The following MCPH1 variants were observed in gnomAD, a reference collection of about 807,000 sequenced individuals.
The protein encoded by MCPH1 is microcephalin.
MCPH1 carries 104 observed loss-of-function variants against 84.5 expected under a neutral mutation model. The ratio of observed to expected loss-of-function variants is 1.23; its 90% confidence interval spans 1.05 to 1.45. The LOEUF is 1.45. MCPH1 is among the 40% of genes most tolerant of loss of function. The pLI is 0.00. For synonymous variants in MCPH1, 514 were observed against 366.8 expected (o/e 1.40, Z -4.58); for missense variants, 1,498 against 1,005.7 (o/e 1.49, Z -6.62).
rs554369960 is a variant in MCPH1, at chr8:6,602,379, G to A, written c.2215-19075G>A. Among the ~76,000 whole-genome samples, 5 of 152,300 alleles carry A rather than the reference G, an allele frequency of 3.3e-5. No homozygotes were observed. The South Asian group carries it at 1.0e-3, about 32-fold the overall frequency. ...AAGGTAGGATCAAGAGTCCCACTGG[G>A]AAGTGGCCTGGCAACCAGAGGTGTC... On this transcript the variant is annotated intron_variant, in intron 12 of 13. Coordinates refer to ENST00000344683, the MANE Select transcript of MCPH1 (RefSeq NM_024596.5).
At chr8:6,504,613 C>T (rs914620337) in intron 12 of MCPH1, among the ~76,000 whole-genome samples, 2 of 152,098 alleles carry the variant, frequency 1.3e-5, no homozygotes, top group African/African-American at 4.8e-5. Context: ...CAAAGAGAAG[C>T]TGTAAAGTGC....
At chr8:6,536,977 A>G (rs1313843952) in intron 12 of MCPH1, among the ~76,000 whole-genome samples, 3 of 151,520 alleles carry the variant, frequency 2.0e-5, no homozygotes, top group Non-Finnish European at 4.4e-5. Flanking sequence ...TACAAGAAAA[A>G]AAAAAAAAAA....
chr8:6,562,585 T>G, intron 12 of MCPH1: 3 of 794,968 alleles, frequency 3.8e-6, no homozygotes, highest in Non-Finnish European at 5.2e-6. Flanking sequence ...TGTTAAAACC[T>G]GAGCTGCTGC....
At chr8:6,416,509 T>G (rs1338218548) in intron 3 of MCPH1, among the ~76,000 whole-genome samples, 1 of 152,222 alleles carries the variant, frequency 6.6e-6, no homozygotes, top group Non-Finnish European at 1.5e-5. Flanking sequence ...GTTGTTTGTT[T>G]GTTTCTGATT....
intron 12 of MCPH1, among the ~76,000 whole-genome samples, chr8:6,612,758 C>T (rs927754131): frequency 2.0e-5 from 3 of 152,350 alleles, no homozygotes; most frequent in South Asian, 4.1e-4. Flanking sequence ...GCTCCTTCTC[C>T]CAGCTGGTGG....
At chr8:6,552,937 G>A (rs1563115123) in intron 12 of MCPH1, among the ~76,000 whole-genome samples, 1 of 152,170 alleles carries the variant, frequency 6.6e-6, no homozygotes, top group Non-Finnish European at 1.5e-5. Flanking sequence ...AAGGATCAGG[G>A]TTTGCCAGGG....
At chr8:6,414,419 C>A (rs115293755) in intron 2 of MCPH1, among the ~76,000 whole-genome samples, 1 of 152,186 alleles carries the variant, frequency 6.6e-6, no homozygotes, top group Non-Finnish European at 1.5e-5. Flanking sequence ...ATGTAGAAAG[C>A]TTTTCTGAAA....
At chr8:6,484,482 C>T (rs1370970902) in intron 11 of MCPH1, among the ~76,000 whole-genome samples, 4 of 152,228 alleles carry the variant, frequency 2.6e-5, no homozygotes, top group Non-Finnish European at 5.9e-5. Context: ...GACAGTTTCA[C>T]AGAAAGCTAA....
intron 11 of MCPH1, among the ~76,000 whole-genome samples, chr8:6,489,508 G>C (rs1179902568): frequency 6.6e-6 from 1 of 152,172 alleles, no homozygotes; most frequent in African/African-American, 2.4e-5. Flanking sequence ...CAGAGACCTT[G>C]AAAAAAGCAG....
At chr8:6,479,559 T>C (rs58679306) in intron 10 of MCPH1, among the ~76,000 whole-genome samples, 22,379 of 151,788 alleles carry the variant, frequency 0.15, 1,790 homozygotes, top group Middle Eastern at 0.25. Flanking sequence ...GTCAGCCTCC[T>C]GAGTATCTGG....
chr8:6,469,533 C>A (rs1385703444), intron 9 of MCPH1, among the ~76,000 whole-genome samples: 4 of 152,160 alleles, frequency 2.6e-5, no homozygotes, highest in East Asian at 3.9e-4. Context: ...ATATATGATT[C>A]TGATAGTACC....
chr8:6,473,469 C>G (rs192292991), intron 9 of MCPH1, among the ~76,000 whole-genome samples: 9 of 151,678 alleles, frequency 5.9e-5, no homozygotes, highest in African/African-American at 1.9e-4. Context: ...GTAGCTGGGA[C>G]TATAGGTGCC....
chr8:6,485,595 CTT>C (rs201393340), intron 11 of MCPH1, among the ~76,000 whole-genome samples: 1 of 148,286 alleles, frequency 6.7e-6, no homozygotes. Context: ...TCTGTGCTAC[CTT>C]TTTTTCCCCT....
intron 11 of MCPH1, among the ~76,000 whole-genome samples, chr8:6,493,368 T>C (rs1186653355): frequency 1.3e-5 from 2 of 152,220 alleles, no homozygotes; most frequent in African/African-American, 4.8e-5. Flanking sequence ...GTGAGCTTTT[T>C]CATAAGAATA....
intron 10 of MCPH1, among the ~76,000 whole-genome samples, chr8:6,478,332 A>G (rs1315986105): frequency 6.6e-6 from 1 of 152,228 alleles, no homozygotes; most frequent in Non-Finnish European, 1.5e-5. Flanking sequence ...TACATTATAT[A>G]GTGAAAAAGG....
intron 3 of MCPH1, among the ~76,000 whole-genome samples, chr8:6,430,134 C>G (rs1025189333): frequency 6.6e-6 from 1 of 152,178 alleles, no homozygotes; most frequent in African/African-American, 2.4e-5. Context: ...CATCTCTGAC[C>G]TGAAGCTTTC....
chr8:6,444,582 G>C lies in MCPH1; in HGVS notation c.860G>C (p.Ser287Thr). ...SPSFTHLDKS[S>T]PQKFLSNLSK... ...TCTTTCACTCACCTCGATAAATCAAGTCCTCAGAAATTTCTGAGTAATCTT... is the reference window on the plus strand; with the variant it reads ...TCTTTCACTCACCTCGATAAATCAACTCCTCAGAAATTTCTGAGTAATCTT... Residue 287 changes from serine to threonine, a missense_variant, in exon 8 of 14, where the codon AGT (serine) becomes ACT (threonine). Coordinates refer to ENST00000344683, the MANE Select transcript of MCPH1 (RefSeq NM_024596.5). The C allele has an allele frequency of 1.2e-6, 2 of 1,614,050 alleles. No individual in the cohort carries two copies. Among genetic ancestry groups the C allele is most frequent in the Non-Finnish European group, 1.7e-6 (2 of 1,179,958 alleles).
intron 2 of MCPH1, among the ~76,000 whole-genome samples, chr8:6,409,644 G>T (rs1157478091): frequency 6.6e-6 from 1 of 151,884 alleles, no homozygotes; most frequent in Non-Finnish European, 1.5e-5. Flanking sequence ...TAAGCAAAGT[G>T]AGGAATACAG....
At chr8:6,641,959 G>C (rs978591678) in intron 13 of MCPH1, among the ~76,000 whole-genome samples, 1 of 152,136 alleles carries the variant, frequency 6.6e-6, no homozygotes, top group African/African-American at 2.4e-5. Flanking sequence ...CTGGGTAGAA[G>C]CACATTTGTA....
Sources: allele counts gnomAD v4.1 joint callset (sites outside exome capture counted in the v4.1 genomes callset), GRCh38; gene constraint gnomAD v4.1.1; transcripts MANE v1.5; gene names NCBI Gene and HGNC (gene_info 2026-07-23, HGNC 2026-07-21).